The following TFDP2 variants were observed in gnomAD, a reference collection of about 807,000 sequenced individuals.
TFDP2 encodes transcription factor Dp-2, also known as transcription factor Dp-2 (E2F dimerization partner 2).
TFDP2 carries 17 observed loss-of-function variants against 59.3 expected under a neutral mutation model. The ratio of observed to expected loss-of-function variants is 0.29; its 90% CI spans 0.20 to 0.43. TFDP2 has a LOEUF of 0.43. Among genes scored for constraint, TFDP2 ranks in the 20% least tolerant of loss-of-function variants. TFDP2 has a pLI of 1.00. For missense variants in TFDP2, 391 were observed against 528.8 expected, an observed-to-expected ratio of 0.74 and a Z score of 2.56; for synonymous variants, 180 against 194.7, an observed-to-expected ratio of 0.92 and a Z score of 0.63.
At chr3:142,132,003 CAAAA>C (rs56004449) in intron 1 of TFDP2, among the ~76,000 whole-genome samples, 2 of 83,480 alleles carry the variant, frequency 2.4e-5, no homozygotes, top group Non-Finnish European at 4.5e-5. Flanking sequence ...GACTCCGTCT[CAAAA>C]AAAAAAAAAA....
intron 1 of TFDP2, among the ~76,000 whole-genome samples, chr3:142,136,025 T>G (rs908730351): frequency 6.6e-6 from 1 of 152,072 alleles, no homozygotes; most frequent in Non-Finnish European, 1.5e-5. Flanking sequence ...CCACCAACAG[T>G]GTAAAAGCAT....
chr3:142,029,405 AG>A (rs1010073784), intron 3 of TFDP2, among the ~76,000 whole-genome samples: 2 of 151,456 alleles, frequency 1.3e-5, no homozygotes, highest in African/African-American at 4.9e-5. Flanking sequence ...GTCCCTTTAT[AG>A]CTAGGGTTAA....
At chr3:142,045,451 C>T (rs1947285332) in intron 3 of TFDP2, among the ~76,000 whole-genome samples, 1 of 151,824 alleles carries the variant, frequency 6.6e-6, no homozygotes, top group African/African-American at 2.4e-5. Context: ...TGAGCCACCA[C>T]ACCTGGTCGT....
chr3:142,114,617 T>C lies in TFDP2; in HGVS notation c.-92-12776A>G, dbSNP rs114371406. Among the ~76,000 whole-genome samples the C allele has an allele frequency of 4.9e-3, 741 of 152,136 alleles. 10 individuals carry two copies. The highest frequency in any genetic ancestry group is 0.017 in the African/African-American group (711 of 41,548). ...TAAAGGTTAACTGCAAAAGCTGTCA[T>C]CATTTTTCTCAATTTTCAAGCAGGA... On this transcript the variant is annotated intron_variant, in intron 1 of 12. Coordinates refer to ENST00000489671, the MANE Select transcript of TFDP2 (RefSeq NM_001178139.2).
chr3:141,989,102 T>A (rs1417287430), intron 6 of TFDP2: 1 of 152,246 alleles, frequency 6.6e-6, no homozygotes, highest in Non-Finnish European at 1.5e-5. Context: ...TTCTTTTTTA[T>A]CTTACATCCT....
At chr3:142,007,142 ACT>A (rs1415567685) in intron 3 of TFDP2, among the ~76,000 whole-genome samples, 2 of 151,118 alleles carry the variant, frequency 1.3e-5, no homozygotes, top group African/African-American at 4.9e-5. Flanking sequence ...TCAATTATCT[ACT>A]CTGTCTCCGG....
chr3:142,031,283 A>G (rs544466368), intron 3 of TFDP2, among the ~76,000 whole-genome samples: 30 of 152,258 alleles, frequency 2.0e-4, no homozygotes, highest in South Asian at 2.1e-4. Context: ...CCTTCCTTCA[A>G]TAAATACTGA....
chr3:142,016,618 A>G (rs1383384783), intron 3 of TFDP2, among the ~76,000 whole-genome samples: 1 of 152,160 alleles, frequency 6.6e-6, no homozygotes, highest in African/African-American at 2.4e-5. Context: ...AAGTTTTAGT[A>G]AATGTTTGTA....
At chr3:142,006,118 C>T (rs1228242734) in intron 3 of TFDP2, among the ~76,000 whole-genome samples, 1 of 152,082 alleles carries the variant, frequency 6.6e-6, no homozygotes, top group African/African-American at 2.4e-5. Flanking sequence ...GGGATCTGTA[C>T]CGTGTTTTCA....
rs547660954 is a variant in TFDP2 at position 142,023,381 on chromosome 3, G to T, written c.83-17837C>A. Among the ~76,000 whole-genome samples, 3 of 151,572 alleles carry T rather than the reference G, an allele frequency of 2.0e-5. No individual in the cohort carries two copies. In the South Asian group the frequency reaches 6.3e-4, roughly 32 times the overall value. On this transcript the variant is annotated intron_variant, in intron 3 of 12. Coordinates refer to ENST00000489671, the MANE Select transcript of TFDP2 (RefSeq NM_001178139.2). ...TTTTCTTGTATTTTTAGTAGAGACA[G>T]GGTTTCGCCATGTTGTCCAGGCTGG...
At chr3:142,082,268 G>C (rs1169835477) in intron 3 of TFDP2, among the ~76,000 whole-genome samples, 1 of 152,114 alleles carries the variant, frequency 6.6e-6, no homozygotes, top group Non-Finnish European at 1.5e-5. Flanking sequence ...CCTAGTTGCA[G>C]GAAAACAAGC....
chr3:142,050,285 A>T (rs931318812), intron 3 of TFDP2, among the ~76,000 whole-genome samples: 53 of 151,630 alleles, frequency 3.5e-4, no homozygotes, highest in African/African-American at 1.3e-3. Context: ...AATAATAAAA[A>T]AAAAAGATCC....
chr3:142,034,782 CT>C (rs1238723469), intron 3 of TFDP2, among the ~76,000 whole-genome samples: 2 of 147,912 alleles, frequency 1.4e-5, no homozygotes, highest in Non-Finnish European at 3.0e-5. Flanking sequence ...GTGGCGCAAT[CT>C]CGGCTCACTG....
intron 3 of TFDP2, among the ~76,000 whole-genome samples, chr3:142,080,163 C>A (rs559841506): frequency 2.4e-4 from 37 of 152,174 alleles, no homozygotes; most frequent in African/African-American, 8.9e-4. Flanking sequence ...GGGGTTTTTG[C>A]CATGTTGGCC....
At chr3:141,960,115 T>C (rs1937177442) in intron 10 of TFDP2, among the ~76,000 whole-genome samples, 1 of 152,208 alleles carries the variant, frequency 6.6e-6, no homozygotes, top group Admixed American at 6.5e-5. Flanking sequence ...AGAAATTTTA[T>C]TCTAAATCCA....
At chr3:142,052,235 G>C (rs1947665737) in intron 3 of TFDP2, among the ~76,000 whole-genome samples, 1 of 152,094 alleles carries the variant, frequency 6.6e-6, no homozygotes, top group Admixed American at 6.6e-5. Flanking sequence ...ATAGGAAAAT[G>C]TACGAGAAAA....
Position 142,149,208 on chromosome 3 carries a change from G to T in TFDP2, c.-118C>A. 2.5e-6 allele frequency: 1 copy of T among 397,794 alleles called. No homozygotes were observed. The highest frequency in any genetic ancestry group is 1.3e-4 in the South Asian group (1 of 7,844). The allele number at this position is 397,794 out of a possible 1,614,324, so 24.6% of individuals were successfully genotyped here. ...CGCCTTCGGCTGCAGAAGAACTGGCGGCCAAGCGAGGCTGTCGGGCCGAGC... is the reference window on the plus strand; with the variant it reads ...CGCCTTCGGCTGCAGAAGAACTGGCTGCCAAGCGAGGCTGTCGGGCCGAGC... On this transcript the variant is annotated 5_prime_UTR_variant, in exon 1 of 13. Coordinates refer to ENST00000489671, the MANE Select transcript of TFDP2 (RefSeq NM_001178139.2).
At position 141,950,566 on chromosome 3, in the gene TFDP2, A is replaced by G. The variant is rs1373546915; in HGVS notation, c.*1947T>C. ...GTTATCATTAGTGCACCTGTCTTAA[A>G]TCCTGAAATGCATCTTGGGACCTGC... is the stretch of plus-strand genomic sequence containing the variant. On this transcript the variant is annotated 3_prime_UTR_variant, in exon 13 of 13. Coordinates refer to ENST00000489671, the MANE Select transcript of TFDP2 (RefSeq NM_001178139.2). 1 of 152,672 alleles carries G rather than the reference A, an allele frequency of 6.5e-6. No individual in the cohort carries two copies. The highest frequency in any genetic ancestry group is 1.5e-5 in the Non-Finnish European group (1 of 68,050). The allele number at this position is 152,672 out of a possible 1,614,324, so 9.5% of individuals were successfully genotyped here. A position where few individuals can be genotyped will look rare whatever the true frequency, so the allele number is the denominator to read the frequency against.
intron 3 of TFDP2, among the ~76,000 whole-genome samples, chr3:142,012,780 G>A (rs1013201692): frequency 2.6e-5 from 4 of 152,090 alleles, no homozygotes; most frequent in Non-Finnish European, 5.9e-5. Context: ...GGAAGCATTT[G>A]TTTTATACAT....
Sources: gnomAD v4.1 joint callset for allele counts (sites outside exome capture counted in the v4.1 genomes callset) on GRCh38, gnomAD v4.1.1 for gene constraint, MANE v1.5 for transcripts, NCBI Gene and HGNC (gene_info 2026-07-23, HGNC 2026-07-21) for gene names.